The following VSIR variants were observed in gnomAD, a reference collection of about 807,000 sequenced individuals.
VSIR encodes the protein V-set immunoregulatory receptor, also known as V-type immunoglobulin domain-containing suppressor of T-cell activation.
In VSIR, 10 loss-of-function variants were observed where a neutral mutation model predicts 31.0. That is an observed-to-expected ratio of 0.32 (90% confidence interval 0.20 to 0.55). The LOEUF (loss-of-function observed/expected upper bound fraction) is 0.55, where lower values mean the gene tolerates loss of function less well. Ranked by LOEUF, VSIR falls within the 20% of genes least tolerant of loss-of-function variation. The pLI, the probability that VSIR is intolerant of heterozygous loss-of-function variation, is 0.93. For missense variants in VSIR, 356 were observed against 416.2 expected (o/e 0.86, Z 1.26); for synonymous variants, 179 against 180.1 (o/e 0.99, Z 0.05).
intron 3 of VSIR, among the ~76,000 whole-genome samples, chr10:71,758,814 C>T (rs1840214732): frequency 6.6e-6 from 1 of 152,172 alleles, no homozygotes; most frequent in Non-Finnish European, 1.5e-5. Flanking sequence ...ATCAATTGAG[C>T]CCAGGAGTTC....
intron 1 of VSIR, among the ~76,000 whole-genome samples, chr10:71,770,403 G>A (rs962929390): frequency 1.3e-5 from 2 of 152,220 alleles, no homozygotes; most frequent in Non-Finnish European, 2.9e-5. Context: ...AGGTCTGAGT[G>A]ACTCACAAAG....
chr10:71,756,975 G>C (rs768724275), intron 3 of VSIR, among the ~76,000 whole-genome samples: 1 of 152,242 alleles, frequency 6.6e-6, no homozygotes. Context: ...TACAGGAACA[G>C]TTGCTATGCT....
intron 3 of VSIR, among the ~76,000 whole-genome samples, chr10:71,759,042 G>T (rs1370028263): frequency 2.0e-5 from 3 of 151,258 alleles, no homozygotes; most frequent in African/African-American, 7.3e-5. Context: ...GCAAATTTTG[G>T]GTTGTTTTTT....
chr10:71,755,169 C>T, intron 4 of VSIR, 190 bp downstream of exon 4: 1 of 685,164 alleles, frequency 1.5e-6, no homozygotes, highest in Non-Finnish European at 2.6e-6. Context: ...CACTTGGCCC[C>T]CGGAAATGGC....
rs750511492 is a variant in VSIR, at chr10:71,753,000, C to T, written c.679G>A (p.Ala227Thr). The change falls in exon 5 of 7, where the codon GCC becomes ACC. Residue 227 changes from alanine to threonine, a missense_variant and splice_region_variant. Ala to Thr is a moderately conservative substitution (Grantham distance 58). Around this residue, in one of 2 missense-constraint regions of VSIR, gnomAD observed 190 missense variants for 185.2 expected, o/e 1.03. Transcript: ENST00000394957. ...KQRQAASNRRAQELVRMDSNI... is the reference protein window; with the variant it reads ...KQRQAASNRRTQELVRMDSNI... ...CTGTCCATCCGCACCAGCTCCTGGG[C>T]ACCTAGGGACAGACAGACAGAGAAG... The T allele has an allele frequency of 6.2e-6, 10 of 1,612,756 alleles. No homozygotes were observed. Among genetic ancestry groups the T allele is most frequent in the Admixed American group, 3.3e-5 (2 of 59,852 alleles).
intron 2 of VSIR, 78 bp from the exon 3 acceptor site, chr10:71,761,002 C>T (rs1840368188): frequency 1.4e-6 from 2 of 1,434,006 alleles, no homozygotes; most frequent in East Asian, 2.3e-5. Context: ...GCCAGTGTCC[C>T]CCTCCTGCCC....
rs1354515461 is a variant in VSIR, at chr10:71,749,438, C to G, written c.*1815G>C. The G allele has an allele frequency of 4.6e-5, 7 of 152,334 alleles. No homozygotes were observed. The highest frequency in any genetic ancestry group is 1.7e-4 in the African/African-American group (7 of 41,438). The allele number at this position is 152,334 out of a possible 1,614,324, so 9.4% of individuals were successfully genotyped here. Reference sequence around the variant, plus strand: ...CCTTCCACCTCAGCCCTGCAAAGTGCTGGGAGGACAGGTGTGTGCCACCAT... The same window carrying G: ...CCTTCCACCTCAGCCCTGCAAAGTGGTGGGAGGACAGGTGTGTGCCACCAT... On this transcript the variant is annotated 3_prime_UTR_variant, in exon 7 of 7. Transcript: ENST00000394957.
At chr10:71,770,774 A>AGGTGGGT in intron 1 of VSIR, among the ~76,000 whole-genome samples, 1 of 152,282 alleles carries the variant, frequency 6.6e-6, no homozygotes, top group South Asian at 2.1e-4. Context: ...TCTCCCAGGA[A>AGGTGGGT]GGTCAGACCC....
chr10:71,765,439 G>C (rs1367341136), intron 1 of VSIR, among the ~76,000 whole-genome samples: 1 of 152,216 alleles, frequency 6.6e-6, no homozygotes, highest in African/African-American at 2.4e-5. Flanking sequence ...GGGGTTGGGG[G>C]CCCTCAAGTG....
At chr10:71,760,465 T>C (rs1219422112) in intron 3 of VSIR, 3 of 163,264 alleles carry the variant, frequency 1.8e-5, no homozygotes, top group Non-Finnish European at 2.7e-5. Context: ...CTGAAGAACA[T>C]AGAAACACAG....
intron 3 of VSIR, among the ~76,000 whole-genome samples, chr10:71,759,705 G>A (rs947390839): frequency 3.3e-5 from 5 of 151,556 alleles, no homozygotes; most frequent in South Asian, 2.1e-4. Flanking sequence ...CTAGCTACTC[G>A]GGAGGCTGAG....
chr10:71,756,078 G>GA (rs1326155079), intron 3 of VSIR, among the ~76,000 whole-genome samples: 1 of 152,160 alleles, frequency 6.6e-6, no homozygotes, highest in Non-Finnish European at 1.5e-5. Flanking sequence ...AGTCACAGGA[G>GA]AAACACCCGG....
chr10:71,757,337 C>T (rs12259819), intron 3 of VSIR, among the ~76,000 whole-genome samples: 22,907 of 152,204 alleles, frequency 0.15, 1,936 homozygotes, highest in South Asian at 0.25. Context: ...TATGTGGACC[C>T]TCTATCAGAT....
At chr10:71,761,380 A>G (rs959924056) in intron 2 of VSIR, among the ~76,000 whole-genome samples, 1 of 151,988 alleles carries the variant, frequency 6.6e-6, no homozygotes, top group Non-Finnish European at 1.5e-5. Flanking sequence ...CACTGTCACA[A>G]ATGGAGCCAG....
chr10:71,764,405 GA>G (rs546257834), intron 1 of VSIR, among the ~76,000 whole-genome samples: 2 of 151,802 alleles, frequency 1.3e-5, no homozygotes, highest in South Asian at 2.1e-4. Context: ...CTATACTGAT[GA>G]AAAAAAAGGC....
Position 71,763,936 on chromosome 10 carries a change from A to C in VSIR, c.83-1910T>G, listed in dbSNP as rs187318014. On this transcript the variant is annotated intron_variant, in intron 1 of 6. Transcript: ENST00000394957. Reference sequence around the variant, plus strand: ...CTTGTGTTTAAAGGAGAGTCTCCAAAGGCACCAAAGCCCCAAACGGCATGT... The same window carrying C: ...CTTGTGTTTAAAGGAGAGTCTCCAACGGCACCAAAGCCCCAAACGGCATGT... Among the ~76,000 whole-genome samples the C allele has an allele frequency of 1.5e-3, 226 of 152,340 alleles. 2 individuals are homozygous for C. The highest frequency in any genetic ancestry group is 1.9e-3 in the Non-Finnish European group (130 of 68,032).
At position 71,770,432 on chromosome 10, in the gene VSIR, G is replaced by A. The variant is rs1840659942; in HGVS notation, c.82+2926C>T. Among the ~76,000 whole-genome samples, 3 of 151,488 alleles carry A rather than the reference G, an allele frequency of 2.0e-5. No individual in the cohort carries two copies. The South Asian group carries it at 6.3e-4, about 32-fold the overall frequency. ...CACAAAGCCCAAGAGTTAAGCAAGG[G>A]GCTGTACGGAAGCCCTGGCATGCAT... On this transcript the variant is annotated intron_variant, in intron 1 of 6. Coordinates refer to ENST00000394957, the MANE Select transcript of VSIR (RefSeq NM_022153.2).
intron 4 of VSIR, among the ~76,000 whole-genome samples, chr10:71,754,663 G>A (rs1237662651): frequency 6.6e-6 from 1 of 152,182 alleles, no homozygotes; most frequent in Non-Finnish European, 1.5e-5. Flanking sequence ...CCTTAGGCAA[G>A]TTACTTAACC....
intron 1 of VSIR, among the ~76,000 whole-genome samples, chr10:71,769,453 T>C (rs1215959571): frequency 1.3e-5 from 2 of 152,238 alleles, no homozygotes. Flanking sequence ...TTTAAAGATC[T>C]ACATACTCAA....
Sources: gnomAD v4.1 joint callset for allele counts (sites outside exome capture counted in the v4.1 genomes callset) on GRCh38, gnomAD v4.1.1 for gene constraint, gnomAD v4.1.1 regional missense constraint, MANE v1.5 for transcripts, NCBI Gene and HGNC (gene_info 2026-07-23, HGNC 2026-07-21) for gene names.